RAB6A: variants seen among roughly 807,000 people sequenced by gnomAD.
RAB6A encodes the protein RAB6A, member RAS oncogene family.
RAB6A carries 8 observed loss-of-function variants against 32.3 expected under a neutral mutation model. The observed-to-expected ratio is 0.25, with a 90% CI of 0.15 to 0.45. RAB6A has a LOEUF of 0.45. Ranked by LOEUF, RAB6A falls within the 20% of genes least tolerant of loss-of-function variation. The pLI, the probability that RAB6A is intolerant of heterozygous loss-of-function variation, is 1.00. For synonymous variants in RAB6A, 73 were observed against 82.1 expected, an observed-to-expected ratio of 0.89 and a Z score of 0.60; for missense variants, 104 against 249.4, an observed-to-expected ratio of 0.42 and a Z score of 3.93.
intron 6 of RAB6A, among the ~76,000 whole-genome samples, chr11:73,702,354 T>C (rs1945759431): frequency 6.6e-6 from 1 of 152,186 alleles, no homozygotes; most frequent in African/African-American, 2.4e-5. Context: ...TCTACTTTTG[T>C]AGAGACAGGG....
chr11:73,687,716 G>T (rs1945482242), intron 6 of RAB6A, among the ~76,000 whole-genome samples: 2 of 152,174 alleles, frequency 1.3e-5, no homozygotes, highest in South Asian at 4.1e-4. Flanking sequence ...AATTAGCCAG[G>T]TGTGGTGACC....
intron 1 of RAB6A, among the ~76,000 whole-genome samples, chr11:73,731,729 T>TAC (rs1946314556): frequency 1.3e-4 from 1 of 7,544 alleles, no homozygotes; most frequent in Non-Finnish European, 3.0e-4. Context: ...TATATATATA[T>TAC]ATACACACAC....
intron 6 of RAB6A, among the ~76,000 whole-genome samples, chr11:73,691,034 A>G (rs1945551175): frequency 7.0e-6 from 1 of 143,148 alleles, no homozygotes; most frequent in Non-Finnish European, 1.5e-5. Flanking sequence ...TGGGGGGGCG[A>G]TGCTGGGGAA....
chr11:73,730,874 T>C (rs1590871545), intron 1 of RAB6A, 51 bp from the exon 2 acceptor site: 1 of 1,425,006 alleles, frequency 7.0e-7, no homozygotes, highest in Non-Finnish European at 9.6e-7. Flanking sequence ...TACATTGGGT[T>C]CTCAGAAAAT....
At chr11:73,718,786 T>C (rs1946089681) in intron 3 of RAB6A, 68 bp from the exon 4 acceptor site, 2 of 1,614,052 alleles carry the variant, frequency 1.2e-6, no homozygotes, top group Non-Finnish European at 1.7e-6. Flanking sequence ...TATACCTACT[T>C]GTGATATCGT....
chr11:73,737,017 G>T (rs1565372857), intron 1 of RAB6A, among the ~76,000 whole-genome samples: 1 of 145,964 alleles, frequency 6.9e-6, no homozygotes, highest in Non-Finnish European at 1.5e-5. Context: ...AAGAAAACAA[G>T]TGCTGGGACA....
chr11:73,736,466 A>C (rs533040216), intron 1 of RAB6A, among the ~76,000 whole-genome samples: 2 of 150,656 alleles, frequency 1.3e-5, no homozygotes, highest in African/African-American at 4.9e-5. Context: ...AGTGAAAGTA[A>C]TTCTAGATGA....
At chr11:73,751,702 C>T (rs1302669442) in intron 1 of RAB6A, among the ~76,000 whole-genome samples, 1 of 152,138 alleles carries the variant, frequency 6.6e-6, no homozygotes. Context: ...AGAGTACAAA[C>T]AATATTAAAA....
intron 1 of RAB6A, among the ~76,000 whole-genome samples, chr11:73,744,511 C>CAAAAAAAAAAAAAAAAA (rs555388622): frequency 1.6e-5 from 1 of 63,772 alleles, no homozygotes; most frequent in African/African-American, 7.3e-5. Context: ...ACCCTGTCTC[C>CAAAAAAAAAAAAAAAAA]AAAAAAAAAA....
intron 6 of RAB6A, among the ~76,000 whole-genome samples, chr11:73,689,547 A>G (rs550713525): frequency 1.2e-4 from 19 of 152,188 alleles, no homozygotes; most frequent in African/African-American, 4.6e-4. Flanking sequence ...GGTCTCCACA[A>G]CCTTTTATCT....
chr11:73,728,650 TGAAATAAA>T (rs1946261131), intron 2 of RAB6A, among the ~76,000 whole-genome samples: 1 of 48,000 alleles, frequency 2.1e-5, no homozygotes, highest in Non-Finnish European at 4.9e-5. Flanking sequence ...TAATAATAAA[TGAAATAAA>T]AATAATAGTG....
chr11:73,753,857 T>C (rs1946706093), intron 1 of RAB6A, among the ~76,000 whole-genome samples: 1 of 152,216 alleles, frequency 6.6e-6, no homozygotes, highest in Non-Finnish European at 1.5e-5. Flanking sequence ...TGCTATATTG[T>C]ATTAAGTATT....
intron 6 of RAB6A, among the ~76,000 whole-genome samples, chr11:73,692,478 G>T (rs1162881039): frequency 7.9e-6 from 1 of 126,892 alleles, no homozygotes; most frequent in African/African-American, 3.0e-5. Context: ...ACTCCGGCCT[G>T]AGCGACAGAG....
At chr11:73,712,606 C>G (rs1216409571) in intron 5 of RAB6A, among the ~76,000 whole-genome samples, 2 of 151,842 alleles carry the variant, frequency 1.3e-5, no homozygotes, top group African/African-American at 2.4e-5. Context: ...CTGCCTTGGC[C>G]TCCCAAAGTG....
chr11:73,681,725 C>T (rs1376550399), intron 6 of RAB6A, among the ~76,000 whole-genome samples: 7 of 152,316 alleles, frequency 4.6e-5, no homozygotes, highest in Admixed American at 3.9e-4. Flanking sequence ...AGAAGAATCG[C>T]TTGAACCCAG....
At chr11:73,732,702 G>T (rs1046398311) in intron 1 of RAB6A, among the ~76,000 whole-genome samples, 1 of 152,196 alleles carries the variant, frequency 6.6e-6, no homozygotes, top group African/African-American at 2.4e-5. Context: ...AGAGATTGCA[G>T]TGAGCTGAGA....
At chr11:73,749,695 T>C (rs1023738724) in intron 1 of RAB6A, among the ~76,000 whole-genome samples, 8 of 152,156 alleles carry the variant, frequency 5.3e-5, no homozygotes, top group African/African-American at 1.7e-4. Context: ...GATCTATCTC[T>C]ATGAAAAAAC....
At chr11:73,712,748 T>C (rs1183049389) in intron 5 of RAB6A, among the ~76,000 whole-genome samples, 17 of 144,620 alleles carry the variant, frequency 1.2e-4, no homozygotes, top group African/African-American at 4.1e-4. Context: ...TTTTGACAGT[T>C]TCACTCTGTC....
At chr11:73,732,965 AC>A (rs1946341437) in intron 1 of RAB6A, among the ~76,000 whole-genome samples, 1 of 151,932 alleles carries the variant, frequency 6.6e-6, no homozygotes, top group African/African-American at 2.4e-5. Context: ...GGCGTGTGCC[AC>A]CATGCCTGGC....
Sources: allele counts gnomAD v4.1 joint callset (sites outside exome capture counted in the v4.1 genomes callset), GRCh38; gene constraint gnomAD v4.1.1; transcripts MANE v1.5; gene names NCBI Gene and HGNC (gene_info 2026-07-23, HGNC 2026-07-21).